The following PPP6R3 variants were observed in gnomAD, a reference collection of about 807,000 sequenced individuals.
PPP6R3 encodes the protein serine/threonine-protein phosphatase 6 regulatory subunit 3.
PPP6R3 carries 38 observed loss-of-function variants against 110.7 expected under a neutral mutation model. That is an observed-to-expected ratio of 0.34 (90% CI 0.26 to 0.45). The LOEUF (loss-of-function observed/expected upper bound fraction) is 0.45, where lower values mean the gene tolerates loss of function less well. Ranked by LOEUF, PPP6R3 falls within the 20% of genes least tolerant of loss-of-function variation. PPP6R3 has a pLI of 1.00. For missense variants in PPP6R3, 870 were observed against 1,062.4 expected, an observed-to-expected ratio of 0.82 and a Z score of 2.52; for synonymous variants, 369 against 373.5, an observed-to-expected ratio of 0.99 and a Z score of 0.14.
chr11:68,545,986 G>A (rs1413652564), intron 4 of PPP6R3, among the ~76,000 whole-genome samples: 1 of 152,228 alleles, frequency 6.6e-6, no homozygotes, highest in Non-Finnish European at 1.5e-5. Flanking sequence ...GATAGAAAAT[G>A]GCTCTGGGTG....
At chr11:68,551,968 C>T (rs2099382718) in intron 6 of PPP6R3, among the ~76,000 whole-genome samples, 1 of 152,102 alleles carries the variant, frequency 6.6e-6, no homozygotes, top group East Asian at 1.9e-4. Flanking sequence ...TGGCCTTAGT[C>T]CTAGGTGCTA....
At chr11:68,473,011 C>T (rs2098803192) in intron 1 of PPP6R3, among the ~76,000 whole-genome samples, 1 of 152,154 alleles carries the variant, frequency 6.6e-6, no homozygotes, top group South Asian at 2.1e-4. Flanking sequence ...ACATTTGTTT[C>T]CTTTGAAATA....
In PPP6R3 at chr11:68,547,317, C is replaced by T. The variant is rs2099353280; in HGVS notation, c.415-750C>T. Among the ~76,000 whole-genome samples the T allele has an allele frequency of 1.3e-5, 2 of 152,268 alleles. 1 individual carries two copies. Among genetic ancestry groups the T allele is most frequent in the South Asian group, 4.2e-4 (2 of 4,814 alleles). ...GTTATATAGCAGCTGCGACACTCCC[C>T]CTGGGACTCGCAGAGGGTTTGGGAA... On this transcript the variant is annotated intron_variant, in intron 4 of 23. Transcript: ENST00000393800.
chr11:68,510,256 G>C (rs1034015871), intron 1 of PPP6R3, among the ~76,000 whole-genome samples: 8 of 151,914 alleles, frequency 5.3e-5, no homozygotes, highest in African/African-American at 1.2e-4. Flanking sequence ...TAAGTGATTT[G>C]TCTTAGCTTC....
intron 1 of PPP6R3, among the ~76,000 whole-genome samples, chr11:68,515,324 G>A (rs1411350738): frequency 1.3e-5 from 2 of 152,302 alleles, no homozygotes; most frequent in East Asian, 3.8e-4. Context: ...GCCTGTCGGG[G>A]GCTTGGTAAC....
intron 4 of PPP6R3, 37 bp downstream of exon 4, chr11:68,545,061 G>C (rs2099344180): frequency 6.7e-7 from 1 of 1,490,140 alleles, no homozygotes; most frequent in African/African-American, 1.4e-5. Context: ...TATTAGGGCT[G>C]ATCATCCCCT....
chr11:68,613,766 T>A lies in PPP6R3; in HGVS notation c.*649T>A. On this transcript the variant is annotated 3_prime_UTR_variant, in exon 24 of 24. Coordinates refer to ENST00000393800, the MANE Select transcript of PPP6R3 (RefSeq NM_001164161.2). Reference sequence around the variant, plus strand: ...GGTAGAGATTAAGTAAAGTATTTATTGCTACATCATAGTTGATAAATTGAT... The same window carrying A: ...GGTAGAGATTAAGTAAAGTATTTATAGCTACATCATAGTTGATAAATTGAT... 1.0e-6 allele frequency: 1 copy of A among 980,104 alleles called. No homozygotes were observed. The highest frequency in any genetic ancestry group is 1.2e-6 in the Non-Finnish European group (1 of 824,724). 60.7% of individuals were successfully genotyped at this position (980,104 alleles called of 1,614,324 possible).
At chr11:68,534,363 T>C (rs2099258279) in intron 2 of PPP6R3, among the ~76,000 whole-genome samples, 1 of 152,192 alleles carries the variant, frequency 6.6e-6, no homozygotes, top group Non-Finnish European at 1.5e-5. Flanking sequence ...ATATTCCTTT[T>C]TTTTCTTAAA....
At chr11:68,561,793 CT>C (rs1270964177) in intron 8 of PPP6R3, among the ~76,000 whole-genome samples, 2 of 152,126 alleles carry the variant, frequency 1.3e-5, no homozygotes, top group Non-Finnish European at 2.9e-5. Flanking sequence ...GAGATAAGGC[CT>C]GCCATTCAGA....
chr11:68,527,846 CT>C (rs766105174), intron 2 of PPP6R3, among the ~76,000 whole-genome samples: 1 of 152,214 alleles, frequency 6.6e-6, no homozygotes, highest in Non-Finnish European at 1.5e-5. Context: ...CTTCTCACTG[CT>C]GTGACTCCTG....
intron 2 of PPP6R3, among the ~76,000 whole-genome samples, chr11:68,534,732 C>A (rs2099260340): frequency 6.6e-6 from 1 of 151,982 alleles, no homozygotes; most frequent in Admixed American, 6.6e-5. Context: ...GCCTTTAATA[C>A]TAAGTGTGGG....
chr11:68,466,338 C>T (rs78564655), intron 1 of PPP6R3, among the ~76,000 whole-genome samples: 1,692 of 152,060 alleles, frequency 0.011, 23 homozygotes, highest in South Asian at 0.022. Flanking sequence ...CATTTGGATA[C>T]CAGGTAGGTT....
At chr11:68,550,047 A>G (rs7927922) in intron 5 of PPP6R3, among the ~76,000 whole-genome samples, 9,642 of 152,190 alleles carry the variant, frequency 0.063, 317 homozygotes, top group Middle Eastern at 0.13. Context: ...GTTTCGGGAC[A>G]TTATTACTCA....
intron 3 of PPP6R3, among the ~76,000 whole-genome samples, chr11:68,539,213 A>G (rs2099293827): frequency 6.6e-6 from 1 of 152,214 alleles, no homozygotes. Flanking sequence ...ATTTTGGATC[A>G]GCCTCCTCAG....
rs1000939835 is a variant in PPP6R3, at chr11:68,613,755, A to C, written c.*638A>C. 2.0e-6 allele frequency: 1 copy of C among 507,778 alleles called. No homozygotes were observed. Among genetic ancestry groups the C allele is most frequent in the African/African-American group, 6.8e-5 (1 of 14,710 alleles). The allele number at this position is 507,778 out of a possible 1,614,324, so 31.5% of individuals were successfully genotyped here. A position where few individuals can be genotyped will look rare whatever the true frequency, so the allele number is the denominator to read the frequency against. ...GTAAGTCTATTGGTAGAGATTAAGT[A>C]AAGTATTTATTGCTACATCATAGTT... On this transcript the variant is annotated 3_prime_UTR_variant, in exon 24 of 24. Transcript: ENST00000393800.
At chr11:68,516,213 G>A (rs1242511657) in intron 1 of PPP6R3, among the ~76,000 whole-genome samples, 1 of 152,134 alleles carries the variant, frequency 6.6e-6, no homozygotes, top group Non-Finnish European at 1.5e-5. Flanking sequence ...ACAGGTTAAA[G>A]CATCCCTAAT....
intron 3 of PPP6R3, among the ~76,000 whole-genome samples, chr11:68,543,752 T>TCTTAA (rs2099331124): frequency 6.6e-6 from 1 of 151,700 alleles, no homozygotes; most frequent in African/African-American, 2.4e-5. Flanking sequence ...CAGGGAGGAG[T>TCTTAA]GTAAGAGCAG....
chr11:68,587,615 CAT>C (rs1272908878), intron 15 of PPP6R3: 1 of 407,804 alleles, frequency 2.5e-6, no homozygotes. Context: ...TGTTCCATGT[CAT>C]GTGATCACTT....
chr11:68,501,875 C>T (rs997808284), intron 1 of PPP6R3, among the ~76,000 whole-genome samples: 5 of 152,210 alleles, frequency 3.3e-5, no homozygotes, highest in African/African-American at 1.2e-4. Flanking sequence ...AGTAAGTCCT[C>T]ACTTAACACC....
Sources: gnomAD v4.1 joint callset for allele counts (sites outside exome capture counted in the v4.1 genomes callset) on GRCh38, gnomAD v4.1.1 for gene constraint, MANE v1.5 for transcripts, NCBI Gene and HGNC (gene_info 2026-07-23, HGNC 2026-07-21) for gene names.